ANO1: variants seen among roughly 807,000 people sequenced by gnomAD.
ANO1 encodes anoctamin 1.
In ANO1, 59 loss-of-function variants were observed where a neutral mutation model predicts 124.0. That is an observed-to-expected ratio of 0.48 (90% CI 0.39 to 0.59). The LOEUF is 0.59. ANO1 is among the 20% of genes least tolerant of loss of function. The pLI is 0.00. For synonymous variants in ANO1, 529 were observed against 532.0 expected (o/e 0.99, Z 0.08); for missense variants, 1,059 against 1,328.0 (o/e 0.80, Z 3.15).
At position 70,167,330 on chromosome 11, in the gene ANO1, G is replaced by A. The variant is rs768459625; in HGVS notation, c.2140G>A (p.Glu714Lys). The A allele has an allele frequency of 1.4e-5, 22 of 1,613,782 alleles. No homozygotes were observed. Among genetic ancestry groups the A allele is most frequent in the South Asian group, 3.3e-5 (3 of 91,062 alleles). ...EECVKRKQRY[E>K]VDYNLEPFAG... ...GTGTGTGAAGAGGAAACAGCGGTACGAGGTGGATTACAACCTGGAGCCCTT... is the reference window on the plus strand; with the variant it reads ...GTGTGTGAAGAGGAAACAGCGGTACAAGGTGGATTACAACCTGGAGCCCTT... The change falls in exon 21 of 26, where the codon GAG becomes AAG. Residue 714 changes from glutamate to lysine, a missense_variant. Around this residue, in one of 2 missense-constraint regions of ANO1, gnomAD observed 809 missense variants for 1,094.9 expected, o/e 0.74. Transcript: ENST00000355303.
At chr11:70,039,349 A>T (rs975398794) in intron 1 of ANO1, among the ~76,000 whole-genome samples, 3 of 152,226 alleles carry the variant, frequency 2.0e-5, no homozygotes, top group Admixed American at 2.0e-4. Flanking sequence ...TCTGGCCGAA[A>T]TATGGCTCAG....
intron 22 of ANO1, among the ~76,000 whole-genome samples, chr11:70,179,375 G>C (rs954587330): frequency 8.5e-5 from 13 of 152,234 alleles, no homozygotes; most frequent in Admixed American, 6.5e-4. Context: ...CCTCCTTCCT[G>C]GGCCCTGCTA....
Position 70,087,829 on chromosome 11 carries a change from G to C in ANO1, c.186G>C (p.Val62=). The C allele has an allele frequency of 1.9e-6, 3 of 1,613,090 alleles. No individual in the cohort carries two copies. The highest frequency in any genetic ancestry group is 2.5e-6 in the Non-Finnish European group (3 of 1,179,766). ...GLYFRDGRRK[V]DYILVYHHKR... ...ACTTCAGGGACGGCCGGCGCAAGGTGGACTACATCCTGGTGTACCATCACA... is the reference window on the plus strand; with the variant it reads ...ACTTCAGGGACGGCCGGCGCAAGGTCGACTACATCCTGGTGTACCATCACA... Residue 62 remains valine, a synonymous_variant, in exon 2 of 26, where the codon GTG becomes GTC. Transcript: ENST00000355303.
chr11:70,002,811 C>T (rs1173520009), intron 1 of ANO1, among the ~76,000 whole-genome samples: 3 of 152,220 alleles, frequency 2.0e-5, no homozygotes, highest in African/African-American at 7.2e-5. Context: ...GTAAAGCAAA[C>T]TCTGGTTCCT....
chr11:70,001,951 C>G (rs4564358), intron 1 of ANO1, among the ~76,000 whole-genome samples: 73,630 of 151,472 alleles, frequency 0.49, 19,121 homozygotes, highest in East Asian at 0.89. Context: ...AGGTGCCCAC[C>G]ACCACACCAT....
At chr11:70,024,148 C>A (rs1249793574) in intron 1 of ANO1, among the ~76,000 whole-genome samples, 1 of 152,240 alleles carries the variant, frequency 6.6e-6, no homozygotes, top group Non-Finnish European at 1.5e-5. Context: ...TCACCTTGGG[C>A]AGCCCCAGTG....
At chr11:70,018,573 A>G (rs1356118646) in intron 1 of ANO1, among the ~76,000 whole-genome samples, 3 of 152,016 alleles carry the variant, frequency 2.0e-5, no homozygotes, top group African/African-American at 7.3e-5. Flanking sequence ...TAGCTGCACC[A>G]CCTGCCCAGA....
intron 1 of ANO1, among the ~76,000 whole-genome samples, chr11:70,086,043 G>A (rs373507990): frequency 1.4e-4 from 22 of 152,308 alleles, no homozygotes; most frequent in East Asian, 5.8e-4. Flanking sequence ...GCAGCATGCC[G>A]TCCCTGCACT....
chr11:70,074,909 AC>A (rs2044039677), upstream of ANO1: 1 of 152,184 alleles, frequency 6.6e-6, no homozygotes. Flanking sequence ...ATTAGAAGAG[AC>A]CTTTGCCTCC....
chr11:70,168,186 C>T (rs1025666281), intron 21 of ANO1, among the ~76,000 whole-genome samples: 4 of 152,206 alleles, frequency 2.6e-5, no homozygotes, highest in African/African-American at 9.6e-5. Context: ...TCCCTCCTGC[C>T]TCCTGCACTC....
chr11:70,078,837 G>A (rs2044111852), intron 1 of ANO1, 123 bp downstream of exon 1: 1 of 433,410 alleles, frequency 2.3e-6, no homozygotes, highest in Non-Finnish European at 3.3e-6. Context: ...CTCCGCGCAG[G>A]GTTCGCGGCG....
intron 7 of ANO1, among the ~76,000 whole-genome samples, chr11:70,112,553 CTTT>C (rs11357130): frequency 3.0e-4 from 41 of 136,814 alleles, no homozygotes; most frequent in African/African-American, 1.0e-3. Flanking sequence ...CTTTTCTTTT[CTTT>C]TTTTTTTTTT....
intron 11 of ANO1, among the ~76,000 whole-genome samples, chr11:70,134,801 C>T (rs1188471700): frequency 6.6e-6 from 1 of 152,148 alleles, no homozygotes; most frequent in Non-Finnish European, 1.5e-5. Context: ...CTGATGTATC[C>T]GCTGCTCTAA....
chr11:70,004,258 T>C (rs1356106363), intron 1 of ANO1, among the ~76,000 whole-genome samples: 2 of 151,452 alleles, frequency 1.3e-5, no homozygotes, highest in African/African-American at 4.8e-5. Flanking sequence ...TTTAGAGTAG[T>C]GAGATGTAGT....
At chr11:69,997,827 A>ACGTCT (rs782156029) in intron 1 of ANO1, among the ~76,000 whole-genome samples, 57 of 152,116 alleles carry the variant, frequency 3.7e-4, no homozygotes, top group Non-Finnish European at 6.5e-4. Flanking sequence ...TGCCTGTGAG[A>ACGTCT]CGTCTGCTCC....
At chr11:70,180,719 C>CGGAGGGA (rs2048897912) in intron 23 of ANO1, among the ~76,000 whole-genome samples, 3 of 152,130 alleles carry the variant, frequency 2.0e-5, no homozygotes, top group African/African-American at 7.2e-5. Context: ...AAGACAGAGA[C>CGGAGGGA]AGAGGGAGAG....
At chr11:70,019,264 T>G (rs2134993218) in intron 1 of ANO1, among the ~76,000 whole-genome samples, 1 of 89,026 alleles carries the variant, frequency 1.1e-5, no homozygotes, top group African/African-American at 4.1e-5. Context: ...CACACACACA[T>G]TCACTCCCCC....
chr11:69,998,453 T>C (rs1229868093), intron 1 of ANO1, among the ~76,000 whole-genome samples: 1 of 152,214 alleles, frequency 6.6e-6, no homozygotes. Context: ...TCATGAGTAG[T>C]ATGTCCCCCA....
At chr11:69,983,905 T>C (rs1855979015), upstream of ANO1, among the ~76,000 whole-genome samples, 1 of 152,232 alleles carries the variant, frequency 6.6e-6, no homozygotes, top group Non-Finnish European at 1.5e-5. Flanking sequence ...TTTCTGCTAA[T>C]AATCATGCAT....
Sources: allele counts gnomAD v4.1 joint callset (sites outside exome capture counted in the v4.1 genomes callset), GRCh38; gene constraint gnomAD v4.1.1; regional missense constraint gnomAD v4.1.1; transcripts MANE v1.5; gene names NCBI Gene and HGNC (gene_info 2026-07-23, HGNC 2026-07-21).